The following FMN1 variants were observed in gnomAD, a reference collection of about 807,000 sequenced individuals.
FMN1 encodes the protein formin 1.
Under a neutral mutation model 132.4 loss-of-function variants are expected in FMN1, and 110 were observed. That is an observed-to-expected ratio of 0.83 (90% CI 0.71 to 0.97). The LOEUF (loss-of-function observed/expected upper bound fraction) is 0.97, where lower values mean the gene tolerates loss of function less well. FMN1 is among the 50% of genes least tolerant of loss of function. The pLI is 0.00. For synonymous variants in FMN1, 722 were observed against 651.7 expected, an observed-to-expected ratio of 1.11 and a Z score of -1.64; for missense variants, 1,792 against 1,705.3, an observed-to-expected ratio of 1.05 and a Z score of -0.90.
At chr15:32,880,885 CT>C (rs2059753574) in intron 16 of FMN1, among the ~76,000 whole-genome samples, 1 of 152,116 alleles carries the variant, frequency 6.6e-6, no homozygotes, top group African/African-American at 2.4e-5. Flanking sequence ...CTGAAATGTT[CT>C]AGTAATAGTA....
chr15:32,921,058 C>T (rs953903570), intron 10 of FMN1, among the ~76,000 whole-genome samples: 1 of 152,114 alleles, frequency 6.6e-6, no homozygotes, highest in Non-Finnish European at 1.5e-5. Flanking sequence ...AGCTTATATT[C>T]TCGTGGTAGA....
At chr15:33,187,328 A>G (rs941914367) in intron 2 of FMN1, among the ~76,000 whole-genome samples, 1 of 152,202 alleles carries the variant, frequency 6.6e-6, no homozygotes, top group Non-Finnish European at 1.5e-5. Flanking sequence ...CTCTTAGAAC[A>G]CAGGGAATTT....
At chr15:32,968,598 A>G (rs751128916) in intron 8 of FMN1, 116 bp downstream of exon 8, 16 of 1,466,862 alleles carry the variant, frequency 1.1e-5, no homozygotes, top group Admixed American at 2.2e-5. Flanking sequence ...CATTCACTGT[A>G]TCACACTTGA....
At chr15:32,986,699 T>TA (rs1333206829) in intron 7 of FMN1, among the ~76,000 whole-genome samples, 2 of 152,152 alleles carry the variant, frequency 1.3e-5, no homozygotes, top group African/African-American at 4.8e-5. Flanking sequence ...TACACTCTAC[T>TA]AAGATGAAGA....
At chr15:33,127,867 T>C (rs956637395) in intron 4 of FMN1, among the ~76,000 whole-genome samples, 5 of 152,230 alleles carry the variant, frequency 3.3e-5, no homozygotes, top group Admixed American at 2.6e-4. Context: ...GAGACAGTGC[T>C]GTTTCCGAGG....
At chr15:33,122,065 CAAAT>C (rs1016995860) in intron 4 of FMN1, among the ~76,000 whole-genome samples, 62 of 152,208 alleles carry the variant, frequency 4.1e-4, no homozygotes, top group African/African-American at 8.7e-4. Context: ...AAAGAACAGA[CAAAT>C]AAAGAATACT....
rs368852895 is a variant in FMN1, at chr15:32,899,943, G to A, written c.3654+36C>T. The A allele has an allele frequency of 6.3e-6, 10 of 1,596,274 alleles. No homozygotes were observed. The African/African-American group carries it at 6.8e-5, about 11-fold the overall frequency. On this transcript the variant is annotated intron_variant, in intron 14 of 20. Coordinates refer to ENST00000616417, the MANE Select transcript of FMN1 (RefSeq NM_001277313.2). ...ATTAAAGGTAAAGAAAGAAAATAATGGCAGATCATGGGAACTTATTATGAA... is the reference window on the plus strand; with the variant it reads ...ATTAAAGGTAAAGAAAGAAAATAATAGCAGATCATGGGAACTTATTATGAA...
chr15:33,175,032 A>AT (rs766660815), intron 3 of FMN1, among the ~76,000 whole-genome samples: 44 of 138,862 alleles, frequency 3.2e-4, no homozygotes, highest in South Asian at 6.7e-4. Context: ...GGAGGAAACG[A>AT]TTTTTTTTTT....
At chr15:33,110,874 G>A (rs554815822) in intron 4 of FMN1, among the ~76,000 whole-genome samples, 69 of 151,932 alleles carry the variant, frequency 4.5e-4, no homozygotes, top group African/African-American at 1.7e-3. Flanking sequence ...TTAATGTCTT[G>A]GCATGCAGTA....
In FMN1 at chr15:32,910,364, CTTCCA is replaced by C. The variant is rs1567374970; in HGVS notation, c.3288+105_3288+109del. The stretch of plus-strand genomic sequence containing the variant: ...AGCTTGTGTTTCTATGCCTTAATCT[CTTCCA>C]GGCCACGTCAAAACCCTTACTACCA... On this transcript the variant is annotated intron_variant, in intron 11 of 20. Transcript: ENST00000616417. 6.1e-5 allele frequency: 52 copies of C among 857,126 alleles called. No homozygotes were observed. In the East Asian group the frequency reaches 6.4e-4, roughly 11 times the overall value. The allele number at this position is 857,126 out of a possible 1,614,324, so 53.1% of individuals were successfully genotyped here. A position where few individuals can be genotyped will look rare whatever the true frequency, so the allele number is the denominator to read the frequency against.
rs71113496 is a variant in FMN1 at position 33,026,410 on chromosome 15, TCACACA to T, written c.2162-18341_2162-18336del. Among the ~76,000 whole-genome samples, 364 of 140,212 alleles carry T rather than the reference TCACACA, an allele frequency of 2.6e-3. 2 individuals carry two copies. The highest frequency in any genetic ancestry group is 4.5e-3 in the South Asian group (19 of 4,218). The allele number at this position is 140,212 out of a possible 152,430, so 92.0% of individuals were successfully genotyped here. On this transcript the variant is annotated intron_variant, in intron 6 of 20. Transcript: ENST00000616417. ...AACATTAGAGGATACGTCCAAATTT[TCACACA>T]CACACACACACACACACACACACTT...
intron 17 of FMN1, among the ~76,000 whole-genome samples, chr15:32,814,234 T>C (rs1237282007): frequency 6.6e-6 from 1 of 152,248 alleles, no homozygotes; most frequent in Non-Finnish European, 1.5e-5. Context: ...GACAGATGTC[T>C]TTTGTAAAAT....
intron 7 of FMN1, among the ~76,000 whole-genome samples, chr15:32,981,452 A>T (rs1033414919): frequency 1.3e-5 from 2 of 151,352 alleles, no homozygotes; most frequent in Non-Finnish European, 2.9e-5. Context: ...CAGGAGGCGG[A>T]GCCTGCAGTG....
chr15:32,913,937 A>C (rs1330138972), intron 10 of FMN1, among the ~76,000 whole-genome samples: 1 of 152,158 alleles, frequency 6.6e-6, no homozygotes, highest in East Asian at 1.9e-4. Context: ...GAAACCAGAG[A>C]GCCTCTAAAG....
intron 16 of FMN1, among the ~76,000 whole-genome samples, chr15:32,885,152 A>G (rs1008615574): frequency 5.9e-5 from 9 of 152,216 alleles, no homozygotes; most frequent in East Asian, 1.9e-4. Flanking sequence ...GTCCTATGTA[A>G]TGTGCCTATT....
intron 6 of FMN1, among the ~76,000 whole-genome samples, chr15:33,026,352 T>C (rs2035670515): frequency 6.7e-6 from 1 of 150,060 alleles, no homozygotes; most frequent in South Asian, 2.1e-4. Flanking sequence ...CTTTATTCTA[T>C]TTGTTTGAAA....
intron 6 of FMN1, among the ~76,000 whole-genome samples, chr15:33,039,273 T>C (rs1423798987): frequency 6.6e-6 from 1 of 152,170 alleles, no homozygotes; most frequent in African/African-American, 2.4e-5. Flanking sequence ...GGAACAGAGA[T>C]AATTATTTAC....
intron 12 of FMN1, 135 bp downstream of exon 12, chr15:32,908,355 A>G: frequency 1.6e-6 from 1 of 626,154 alleles, no homozygotes; most frequent in Non-Finnish European, 2.8e-6. Context: ...TGCTGCATGC[A>G]ACAGGTCACA....
At chr15:33,015,399 T>C (rs773316208) in intron 6 of FMN1, among the ~76,000 whole-genome samples, 2 of 152,208 alleles carry the variant, frequency 1.3e-5, no homozygotes, top group Non-Finnish European at 2.9e-5. Flanking sequence ...AGTTCTGTGA[T>C]TATGATTCGT....
Sources: allele counts gnomAD v4.1 joint callset (sites outside exome capture counted in the v4.1 genomes callset), GRCh38; gene constraint gnomAD v4.1.1; transcripts MANE v1.5; gene names NCBI Gene and HGNC (gene_info 2026-07-23, HGNC 2026-07-21).